The following FLT1 variants were observed in gnomAD, a reference collection of about 807,000 sequenced individuals.
FLT1 encodes the protein fms related receptor tyrosine kinase 1, also known as vascular endothelial growth factor receptor 1.
FLT1 carries 49 observed loss-of-function variants against 156.3 expected under a neutral mutation model. The observed-to-expected ratio is 0.31, with a 90% CI of 0.25 to 0.40. The LOEUF (loss-of-function observed/expected upper bound fraction) is 0.40. FLT1 is among the 10% of genes least tolerant of loss of function. FLT1 has a pLI of 1.00. For missense variants in FLT1, 1,322 were observed against 1,637.2 expected (o/e 0.81, Z 3.32); for synonymous variants, 594 against 583.8 (o/e 1.02, Z -0.25).
chr13:28,459,231 T>C (rs1244701622), intron 3 of FLT1, among the ~76,000 whole-genome samples: 2 of 152,200 alleles, frequency 1.3e-5, no homozygotes, highest in East Asian at 3.8e-4. Flanking sequence ...CCCCAACATG[T>C]TCACCTGTCT....
intron 1 of FLT1, among the ~76,000 whole-genome samples, chr13:28,470,654 C>G (rs1384480249): frequency 6.6e-6 from 1 of 152,104 alleles, no homozygotes; most frequent in Non-Finnish European, 1.5e-5. Flanking sequence ...TTCAAAGAAC[C>G]ACCCAAAGCC....
chr13:28,357,129 G>T (rs1440462295), intron 15 of FLT1, among the ~76,000 whole-genome samples: 1 of 152,142 alleles, frequency 6.6e-6, no homozygotes, highest in Non-Finnish European at 1.5e-5. Context: ...CTAACTCCTG[G>T]GAATTAGAAA....
At chr13:28,410,340 G>A (rs904733395) in intron 10 of FLT1, among the ~76,000 whole-genome samples, 3 of 152,224 alleles carry the variant, frequency 2.0e-5, no homozygotes, top group African/African-American at 7.2e-5. Flanking sequence ...TTTCTTTGAA[G>A]TGGTTCTCTT....
At chr13:28,461,111 T>C (rs1879551079) in intron 3 of FLT1, among the ~76,000 whole-genome samples, 1 of 150,754 alleles carries the variant, frequency 6.6e-6, no homozygotes, top group Non-Finnish European at 1.5e-5. Flanking sequence ...TAGCTGAGAC[T>C]ACAGGTGGAT....
At chr13:28,409,523 TG>T (rs1876016353) in intron 10 of FLT1, among the ~76,000 whole-genome samples, 2 of 151,884 alleles carry the variant, frequency 1.3e-5, no homozygotes, top group African/African-American at 4.8e-5. Context: ...TTAGTGGAGA[TG>T]GGGTTTAACC....
intron 27 of FLT1, among the ~76,000 whole-genome samples, chr13:28,310,469 T>C (rs531136791): frequency 2.6e-5 from 4 of 152,272 alleles, no homozygotes; most frequent in African/African-American, 7.2e-5. Flanking sequence ...GGGAATGATA[T>C]GTTCTTCCCA....
rs1480391755 is a variant in FLT1 at position 28,384,880 on chromosome 13, C to T, written c.2116+5G>A. On this transcript the variant is annotated splice_donor_5th_base_variant and intron_variant, in intron 14 of 29. Coordinates refer to ENST00000282397, the MANE Select transcript of FLT1 (RefSeq NM_002019.4). ...TAATAAATGGAAGAAAAAAAAGTCTCTTACCAGGCTCTTGTTGTATTTTGT... is the reference window on the plus strand; with the variant it reads ...TAATAAATGGAAGAAAAAAAAGTCTTTTACCAGGCTCTTGTTGTATTTTGT... 7 of 1,613,816 alleles carry T rather than the reference C, an allele frequency of 4.3e-6. No individual in the cohort carries two copies. The highest frequency in any genetic ancestry group is 2.2e-5 in the East Asian group (1 of 44,900).
chr13:28,492,828 C>T (rs1335261424), intron 1 of FLT1, among the ~76,000 whole-genome samples: 1 of 152,096 alleles, frequency 6.6e-6, no homozygotes, highest in Non-Finnish European at 1.5e-5. Flanking sequence ...TATGAGTTTT[C>T]AAAAGCACCC....
chr13:28,383,179 GAGT>G (rs1184363072), intron 14 of FLT1, among the ~76,000 whole-genome samples: 1 of 151,806 alleles, frequency 6.6e-6, no homozygotes, highest in Non-Finnish European at 1.5e-5. Context: ...TTGTTTTTAA[GAGT>G]ACAGTCAGCC....
At chr13:28,392,386 A>G (rs926781153) in intron 12 of FLT1, among the ~76,000 whole-genome samples, 1 of 152,174 alleles carries the variant, frequency 6.6e-6, no homozygotes, top group African/African-American at 2.4e-5. Flanking sequence ...TATTTGGGCC[A>G]TTTTCCAAGC....
chr13:28,469,956 G>T (rs967416605), intron 1 of FLT1, among the ~76,000 whole-genome samples: 1 of 152,062 alleles, frequency 6.6e-6, no homozygotes, highest in African/African-American at 2.4e-5. Context: ...GTTTCGTCAT[G>T]TTTGCCAGGC....
At chr13:28,407,589 G>C (rs1875889801) in intron 10 of FLT1, among the ~76,000 whole-genome samples, 1 of 152,096 alleles carries the variant, frequency 6.6e-6, no homozygotes, top group Non-Finnish European at 1.5e-5. Flanking sequence ...GGTGGTGTTT[G>C]CACCTAAACC....
chr13:28,376,861 G>A (rs61763249), intron 14 of FLT1, among the ~76,000 whole-genome samples: 2,345 of 152,240 alleles, frequency 0.015, 57 homozygotes, highest in African/African-American at 0.054. Context: ...AGACACTCAG[G>A]GTCAAGGGTT....
At chr13:28,339,852 G>A (rs541164019) in intron 16 of FLT1, among the ~76,000 whole-genome samples, 7 of 152,274 alleles carry the variant, frequency 4.6e-5, no homozygotes, top group African/African-American at 1.7e-4. Flanking sequence ...TGACCTCTTA[G>A]TTGCTTCAGC....
At chr13:28,427,013 C>A in intron 10 of FLT1, 146 bp downstream of exon 10, 1 of 759,018 alleles carries the variant, frequency 1.3e-6, no homozygotes, top group Non-Finnish European at 2.3e-6. Context: ...GTAGCTGTTG[C>A]CCACCTTTTT....
At position 28,301,723 on chromosome 13, in the gene FLT1, A is replaced by G. The variant is rs1016880317; in HGVS notation, c.*1444T>C. 8.6e-6 allele frequency: 2 copies of G among 233,232 alleles called. No homozygotes were observed. Among genetic ancestry groups the G allele is most frequent in the Admixed American group, 5.6e-5 (1 of 17,766 alleles). The allele number at this position is 233,232 out of a possible 1,614,324, so 14.4% of individuals were successfully genotyped here. A position where few individuals can be genotyped will look rare whatever the true frequency, so the allele number is the denominator to read the frequency against. On this transcript the variant is annotated 3_prime_UTR_variant, in exon 30 of 30. Coordinates refer to ENST00000282397, the MANE Select transcript of FLT1 (RefSeq NM_002019.4). ...AGCTTAGCGATCCAAGGCCCACTTG[A>G]TCTTTAGACCCTGAAGAGTAGGCGC...
At chr13:28,304,190 A>G (rs1052947568) in intron 29 of FLT1, among the ~76,000 whole-genome samples, 1 of 152,212 alleles carries the variant, frequency 6.6e-6, no homozygotes, top group Non-Finnish European at 1.5e-5. Flanking sequence ...TCTTTAACAA[A>G]TATCTAGATA....
intron 26 of FLT1, 63 bp downstream of exon 26, chr13:28,311,919 TAAAAAAAAAAC>T: frequency 9.6e-7 from 1 of 1,043,786 alleles, no homozygotes; most frequent in East Asian, 2.7e-5. Flanking sequence ...TAATAGCTCT[TAAAAAAAAAAC>T]AAATAAAATG....
At chr13:28,440,772 G>A (rs371982502) in intron 3 of FLT1, among the ~76,000 whole-genome samples, 1 of 152,086 alleles carries the variant, frequency 6.6e-6, no homozygotes, top group African/African-American at 2.4e-5. Flanking sequence ...GCTATGATGA[G>A]GATTACATGA....
Sources: allele counts gnomAD v4.1 joint callset (sites outside exome capture counted in the v4.1 genomes callset), GRCh38; gene constraint gnomAD v4.1.1; transcripts MANE v1.5; gene names NCBI Gene and HGNC (gene_info 2026-07-23, HGNC 2026-07-21).